CCDC137: variants seen among roughly 807,000 people sequenced by gnomAD.
CCDC137 encodes coiled-coil domain-containing protein 137.
CCDC137 carries 24 observed loss-of-function variants against 30.4 expected under a neutral mutation model. The ratio of observed to expected loss-of-function variants is 0.79; its 90% confidence interval spans 0.57 to 1.11. The LOEUF (loss-of-function observed/expected upper bound fraction) is 1.11, where lower values mean the gene tolerates loss of function less well. Among genes scored for constraint, CCDC137 ranks in the 50% least tolerant of loss-of-function variants. The pLI, the probability that CCDC137 is intolerant of heterozygous loss-of-function variation, is 0.00. For missense variants in CCDC137, 417 were observed against 380.4 expected (o/e 1.10, Z -0.80); for synonymous variants, 182 against 155.7 (o/e 1.17, Z -1.26).
chr17:81,671,429 C>G (rs1008256820), intron 3 of CCDC137, among the ~76,000 whole-genome samples: 2 of 152,168 alleles, frequency 1.3e-5, no homozygotes, highest in Non-Finnish European at 2.9e-5. Flanking sequence ...TGGCAGCCTT[C>G]CCAGCCTTCG....
At position 81,671,942 on chromosome 17, in the gene CCDC137, A is replaced by C. The variant is rs562475335; in HGVS notation, c.580+116A>C. The C allele has an allele frequency of 4.8e-6, 7 of 1,466,400 alleles. 1 individual carries two copies. In the African/African-American group the frequency reaches 8.3e-5, roughly 17 times the overall value. The allele number at this position is 1,466,400 out of a possible 1,614,324, so 90.8% of individuals were successfully genotyped here. The stretch of plus-strand genomic sequence containing the variant: ...GCACCTGTGGTTTCCCCTGGGGTCC[A>C]CAGCCATTAGACCACTGGATGAGTT... On this transcript the variant is annotated intron_variant, in intron 4 of 5. Transcript: ENST00000329214.
At position 81,672,117 on chromosome 17, in the gene CCDC137, C is replaced by T. The variant is rs1407719808; in HGVS notation, c.622C>T (p.Leu208=). The T allele has an allele frequency of 6.2e-7, 1 of 1,614,132 alleles. No homozygotes were observed. Among genetic ancestry groups the T allele is most frequent in the Admixed American group, 1.7e-5 (1 of 60,018 alleles). The change falls in exon 5 of 6, where the codon CTG becomes TTG. Residue 208 remains leucine (L), a synonymous_variant. Transcript: ENST00000329214. Reference sequence around the variant, plus strand: ...TGAGGTTGTCCTGCAGCCCCCAGAGCTGACTGCCAGGCCCCAGAGGAGCGT... The same window carrying T: ...TGAGGTTGTCCTGCAGCCCCCAGAGTTGACTGCCAGGCCCCAGAGGAGCGT... The part of the protein sequence containing the change: ...FGEVVLQPPE[L]TARPQRSVSK...
rs1036493982 is a variant in CCDC137, at chr17:81,672,609, G to A, written c.775G>A (p.Val259Met). 9 of 1,591,326 alleles carry A rather than the reference G, an allele frequency of 5.7e-6. No individual in the cohort carries two copies. In the East Asian group the frequency reaches 1.1e-4, roughly 20 times the overall value. Residue 259 changes from valine (V) to methionine (M), a missense_variant, in exon 6 of 6, where the codon GTG (valine) becomes ATG (methionine). By Grantham distance (21) the Val-to-Met change is conservative. Coordinates refer to ENST00000329214, the MANE Select transcript of CCDC137 (RefSeq NM_199287.3). ...TGTGGAGGAGGAGAGAGAGCGGGCC[G>A]TGCAGGCCTACAGAGCGTTGAAGCA... ...RIVEEERERA[V>M]QAYRALKQRQ...
chr17:81,670,834 C>A (rs1266502288), intron 3 of CCDC137, among the ~76,000 whole-genome samples: 1 of 152,132 alleles, frequency 6.6e-6, no homozygotes, highest in Non-Finnish European at 1.5e-5. Context: ...CTTCCTAATT[C>A]TCTAAAAGCT....
intron 2 of CCDC137, 133 bp from the exon 3 acceptor site, chr17:81,670,092 A>G (rs1024267546): frequency 4.4e-6 from 3 of 681,452 alleles, no homozygotes; most frequent in Non-Finnish European, 5.0e-6. Context: ...CATCCTCTTC[A>G]GCTGCTGTCG....
At chr17:81,667,107 C>G (rs766084006) in intron 1 of CCDC137, 19 of 483,668 alleles carry the variant, frequency 3.9e-5, no homozygotes, top group Non-Finnish European at 5.9e-5. Flanking sequence ...TTTTGCCTTT[C>G]CCGCGTCCCA....
intron 1 of CCDC137, 89 bp downstream of exon 1, chr17:81,666,989 G>T (rs1257309717): frequency 1.6e-6 from 2 of 1,214,222 alleles, no homozygotes; most frequent in East Asian, 3.2e-5. Flanking sequence ...GGGAGCGTTC[G>T]CTCGGACCCC....
chr17:81,673,135 G>A lies in CCDC137; in HGVS notation c.*431G>A, dbSNP rs571735412. The A allele has an allele frequency of 3.6e-5, 7 of 192,212 alleles. No individual in the cohort carries two copies. The highest frequency in any genetic ancestry group is 1.4e-4 in the East Asian group (1 of 7,192). The allele number at this position is 192,212 out of a possible 1,614,324, so 11.9% of individuals were successfully genotyped here. ...AGGCCACGGGCAGGGACGACGCATC[G>A]GGACAGGGCTCTGCAGGGGACCGTG... is the stretch of plus-strand genomic sequence containing the variant. On this transcript the variant is annotated 3_prime_UTR_variant, in exon 6 of 6. Transcript: ENST00000329214.
chr17:81,670,945 G>A (rs904977679), intron 3 of CCDC137, among the ~76,000 whole-genome samples: 2 of 151,966 alleles, frequency 1.3e-5, no homozygotes, highest in Non-Finnish European at 2.9e-5. Flanking sequence ...TAGCCAACAC[G>A]GTGAAACCTT....
At position 81,670,466 on chromosome 17, in the gene CCDC137, G is replaced by T. The variant is rs778335489; in HGVS notation, c.497+13G>T. 4 of 1,602,384 alleles carry T rather than the reference G, an allele frequency of 2.5e-6. No homozygotes were observed. Among genetic ancestry groups the T allele is most frequent in the Non-Finnish European group, 3.4e-6 (4 of 1,173,238 alleles). ...AAGCAAAAAAAGCGTGAGTGGAGGC[G>T]GGAGGGGGAGGGGTCTGCCCTGGGA... On this transcript the variant is annotated intron_variant, in intron 3 of 5. Transcript: ENST00000329214.
intron 2 of CCDC137, 117 bp from the exon 3 acceptor site, chr17:81,670,108 G>A: frequency 1.3e-6 from 1 of 759,936 alleles, no homozygotes; most frequent in East Asian, 2.7e-5. Flanking sequence ...TGTCGTTGGG[G>A]TGCTTCCAGC....
rs1270030605 is a variant in CCDC137, at chr17:81,666,827, C to CG, written c.63dup (p.Arg22AlafsTer62). 3 of 1,348,760 alleles carry CG rather than the reference C, an allele frequency of 2.2e-6. No homozygotes were observed. The African/African-American group carries it at 4.5e-5, about 20-fold the overall frequency. 83.5% of individuals were successfully genotyped at this position (1,348,760 alleles called of 1,614,324 possible). A position where few individuals can be genotyped will look rare whatever the true frequency, so the allele number is the denominator to read the frequency against. On this transcript the variant is annotated frameshift_variant, in exon 1 of 6. Transcript: ENST00000329214. LOFTEE classifies it high-confidence loss of function. ...GGTGCAGGCGGGTCCTGGGAGTCCC[C>CG]GGCGAGCGCGGGGGCGGCAGCAAGT... is the stretch of plus-strand genomic sequence containing the variant.
intron 2 of CCDC137, among the ~76,000 whole-genome samples, chr17:81,669,621 G>A (rs867955477): frequency 4.6e-5 from 7 of 150,596 alleles, no homozygotes; most frequent in East Asian, 4.0e-4. Flanking sequence ...GTGCAGTGGC[G>A]CAATCTCGGC....
chr17:81,667,365 G>C (rs1321387440), intron 1 of CCDC137, among the ~76,000 whole-genome samples: 1 of 148,032 alleles, frequency 6.8e-6, no homozygotes, highest in Non-Finnish European at 1.5e-5. Flanking sequence ...CTGTCGCCCA[G>C]GCTGGAGTGT....
chr17:81,672,490 C>T lies in CCDC137; in HGVS notation c.661-5C>T, dbSNP rs777016790. On this transcript the variant is annotated splice_region_variant and splice_polypyrimidine_tract_variant and intron_variant, in intron 5 of 5. Transcript: ENST00000329214. ...CTGTGCCTCACCCTCCCCTCTCTCC[C>T]TCAGCCTGGCAGGAGATCGCAGATG... The T allele has an allele frequency of 2.4e-5, 38 of 1,553,452 alleles. No homozygotes were observed. The highest frequency in any genetic ancestry group is 9.7e-5 in the East Asian group (4 of 41,298).
rs757835947 is a variant in CCDC137 at position 81,671,777 on chromosome 17, GA to G, written c.536del (p.Lys179ArgfsTer18). The G allele has an allele frequency of 1.2e-6, 2 of 1,612,752 alleles. No homozygotes were observed. The highest frequency in any genetic ancestry group is 4.5e-5 in the East Asian group (2 of 44,870). On this transcript the variant is annotated frameshift_variant, in exon 4 of 6. Transcript: ENST00000329214. LOFTEE classifies it high-confidence loss of function. ...AGCGGCGACTAGATAAAGTCCGACG[GA>G]AAAAGGAGGAAAAGGCGGCAGACAG... ...QKRRLDKVRRKKEEKAADRLE... is the reference protein window; with the variant it reads ...QKRRLDKVRRXKEEKAADRLE...
rs1254663040 is a variant in CCDC137, at chr17:81,673,045, T to C, written c.*341T>C. ...TACCGAGACAGCTGATGAGGCTGGC[T>C]CAGTGTGTGACGGAGGCCCCCGGGA... is the stretch of plus-strand genomic sequence containing the variant. On this transcript the variant is annotated 3_prime_UTR_variant, in exon 6 of 6. Transcript: ENST00000329214. 2 of 366,416 alleles carry C rather than the reference T, an allele frequency of 5.5e-6. No individual in the cohort carries two copies. The highest frequency in any genetic ancestry group is 3.1e-5 in the South Asian group (1 of 31,858). 22.7% of individuals were successfully genotyped at this position (366,416 alleles called of 1,614,324 possible).
intron 3 of CCDC137, 48 bp from the exon 4 acceptor site, chr17:81,671,696 G>A: frequency 6.3e-7 from 1 of 1,598,270 alleles, no homozygotes; most frequent in Non-Finnish European, 8.6e-7. Context: ...TCCTCCCTGG[G>A]TGGAAAGAGA....
intron 3 of CCDC137, 142 bp downstream of exon 3, chr17:81,670,595 A>T (rs561079807): frequency 2.8e-6 from 2 of 721,716 alleles, no homozygotes; most frequent in East Asian, 5.5e-5. Flanking sequence ...GAGCCCTGGG[A>T]GTTGGCGAGT....
Sources: allele counts gnomAD v4.1 joint callset (sites outside exome capture counted in the v4.1 genomes callset), GRCh38; gene constraint gnomAD v4.1.1; transcripts MANE v1.5; gene names NCBI Gene and HGNC (gene_info 2026-07-23, HGNC 2026-07-21).